Variants in XPO6 observed in about 807,000 individuals in gnomAD.
XPO6 encodes the protein exportin-6.
A neutral mutation model predicts 130.0 loss-of-function variants in XPO6; 3 were observed. The observed-to-expected ratio is 0.02, with a 90% CI of 0.01 to 0.06. The LOEUF (loss-of-function observed/expected upper bound fraction) is 0.06, where lower values mean the gene tolerates loss of function less well. Ranked by LOEUF, XPO6 falls within the 10% of genes least tolerant of loss-of-function variation. The probability of loss-of-function intolerance (pLI) is 1.00; values close to 1 mark genes in which losing one functional copy is unlikely to be tolerated. For missense variants in XPO6, 970 were observed against 1,393.0 expected, an observed-to-expected ratio of 0.70 and a Z score of 4.83; for synonymous variants, 524 against 548.9, an observed-to-expected ratio of 0.95 and a Z score of 0.63.
intron 2 of XPO6, among the ~76,000 whole-genome samples, chr16:28,178,618 A>C (rs2043568172): frequency 6.6e-6 from 1 of 151,710 alleles, no homozygotes; most frequent in Non-Finnish European, 1.5e-5. Context: ...AAAAAACTCG[A>C]CAACTTAGGA....
intron 1 of XPO6, among the ~76,000 whole-genome samples, chr16:28,196,567 T>C (rs2043867628): frequency 1.3e-5 from 2 of 152,244 alleles, no homozygotes; most frequent in Admixed American, 1.3e-4. Context: ...ATGTTATGTG[T>C]TGCCATAGTC....
chr16:28,134,078 G>C, intron 10 of XPO6, 145 bp from the exon 11 acceptor site: 1 of 715,794 alleles, frequency 1.4e-6, no homozygotes, highest in South Asian at 1.9e-5. Flanking sequence ...GGCCAAGCTA[G>C]AATTTTTTAA....
At chr16:28,127,019 A>G (rs542662868) in intron 12 of XPO6, among the ~76,000 whole-genome samples, 1 of 152,168 alleles carries the variant, frequency 6.6e-6, no homozygotes, top group African/African-American at 2.4e-5. Flanking sequence ...GTGCTCCAAA[A>G]TCAGCTTCCC....
At chr16:28,104,159 T>C (rs1033545157) in intron 21 of XPO6, among the ~76,000 whole-genome samples, 1 of 152,162 alleles carries the variant, frequency 6.6e-6, no homozygotes, top group Non-Finnish European at 1.5e-5. Context: ...AGAATCACAG[T>C]GCAGGTCTGG....
chr16:28,180,447 A>G (rs1204551157), intron 2 of XPO6, among the ~76,000 whole-genome samples: 2 of 152,188 alleles, frequency 1.3e-5, no homozygotes, highest in Non-Finnish European at 2.9e-5. Flanking sequence ...AATACCAGTT[A>G]TGGGATTTCT....
chr16:28,179,135 A>T (rs2043578030), intron 2 of XPO6: 1 of 152,298 alleles, frequency 6.6e-6, no homozygotes, highest in Admixed American at 6.6e-5. Flanking sequence ...CTATGAAACC[A>T]TGAGCTCTTA....
At chr16:28,209,778 T>G (rs892249055) in intron 1 of XPO6, among the ~76,000 whole-genome samples, 15 of 152,162 alleles carry the variant, frequency 9.9e-5, no homozygotes, top group African/African-American at 3.1e-4. Context: ...ATTTCATAGT[T>G]GAGGAAATTG....
At chr16:28,105,459 A>C (rs1205568792) in intron 20 of XPO6, among the ~76,000 whole-genome samples, 2 of 152,238 alleles carry the variant, frequency 1.3e-5, no homozygotes, top group African/African-American at 2.4e-5. Flanking sequence ...TCCACAGAAG[A>C]AGCCTCATAG....
At chr16:28,133,550 T>C (rs1022578703) in intron 11 of XPO6, among the ~76,000 whole-genome samples, 2 of 152,180 alleles carry the variant, frequency 1.3e-5, no homozygotes, top group East Asian at 1.9e-4. Flanking sequence ...CTTCTATAAG[T>C]AACAGCTCCC....
chr16:28,186,371 A>ATTTTTTTTTTTTT (rs1237138991), intron 1 of XPO6, among the ~76,000 whole-genome samples: 2 of 10,134 alleles, frequency 2.0e-4, no homozygotes, highest in Non-Finnish European at 2.0e-4. Flanking sequence ...TGCCCCAGTT[A>ATTTTTTTTTTTTT]TTCTTTTTTT....
intron 21 of XPO6, among the ~76,000 whole-genome samples, chr16:28,104,304 C>T (rs1160933677): frequency 6.6e-6 from 1 of 152,212 alleles, no homozygotes; most frequent in Non-Finnish European, 1.5e-5. Context: ...TCAAGCATCT[C>T]CAAGTGTCAT....
chr16:28,157,320 T>C lies in XPO6; in HGVS notation c.644-793A>G, dbSNP rs148753426. The stretch of plus-strand genomic sequence containing the variant: ...AAAATACAAAGTTAGCCAGGCATGG[T>C]GGTGCATGCCTGTAATCCCAGCTAC... On this transcript the variant is annotated intron_variant, in intron 6 of 23. Coordinates refer to ENST00000304658, the MANE Select transcript of XPO6 (RefSeq NM_015171.4). 3.8e-3 allele frequency among the ~76,000 whole-genome samples: 578 copies of C among 152,174 alleles called. 3 individuals carry two copies. The highest frequency in any genetic ancestry group is 0.013 in the African/African-American group (546 of 41,518).
At chr16:28,175,493 A>G (rs1299474181) in intron 4 of XPO6, among the ~76,000 whole-genome samples, 1 of 152,146 alleles carries the variant, frequency 6.6e-6, no homozygotes, top group African/African-American at 2.4e-5. Flanking sequence ...CCAAGTCTAC[A>G]TGCTATGCCA....
chr16:28,130,132 G>A (rs1045651495), intron 12 of XPO6, among the ~76,000 whole-genome samples: 1 of 152,234 alleles, frequency 6.6e-6, no homozygotes, highest in African/African-American at 2.4e-5. Context: ...TGAGAAGCAC[G>A]AGATCTTCTG....
At chr16:28,207,965 T>C (rs1294825886) in intron 1 of XPO6, among the ~76,000 whole-genome samples, 1 of 151,850 alleles carries the variant, frequency 6.6e-6, no homozygotes, top group African/African-American at 2.4e-5. Context: ...GCCAACCTGG[T>C]GAAACCCCAT....
intron 6 of XPO6, among the ~76,000 whole-genome samples, chr16:28,159,645 C>T (rs1256368697): frequency 3.3e-5 from 5 of 152,152 alleles, no homozygotes; most frequent in East Asian, 1.9e-4. Context: ...ACTAAACAGA[C>T]GTAGGAATTA....
At chr16:28,141,642 A>T (rs2042894626) in intron 9 of XPO6, among the ~76,000 whole-genome samples, 1 of 152,012 alleles carries the variant, frequency 6.6e-6, no homozygotes, top group African/African-American at 2.4e-5. Flanking sequence ...CCCCATTAAC[A>T]CTGGGGCTCA....
chr16:28,146,981 G>T (rs376427646), intron 8 of XPO6, among the ~76,000 whole-genome samples: 2 of 152,124 alleles, frequency 1.3e-5, no homozygotes, highest in Non-Finnish European at 2.9e-5. Flanking sequence ...ATGCATTCAG[G>T]TTCAACTTGT....
intron 1 of XPO6, among the ~76,000 whole-genome samples, chr16:28,185,909 TTC>T (rs905432846): frequency 3.3e-5 from 5 of 152,204 alleles, no homozygotes; most frequent in Admixed American, 1.3e-4. Flanking sequence ...AACCCAAGTT[TTC>T]TGTTCCAGAA....
Sources: gnomAD v4.1 joint callset for allele counts (sites outside exome capture counted in the v4.1 genomes callset) on GRCh38, gnomAD v4.1.1 for gene constraint, MANE v1.5 for transcripts, NCBI Gene and HGNC (gene_info 2026-07-23, HGNC 2026-07-21) for gene names.